Variants in DHX57 observed in about 807,000 individuals in gnomAD.
The protein encoded by DHX57 is DExH-box helicase 57.
In DHX57, 105 loss-of-function variants were observed where a neutral mutation model predicts 156.2. The observed-to-expected ratio is 0.67, with a 90% CI of 0.57 to 0.79. DHX57 has a LOEUF of 0.79. DHX57 is among the 30% of genes least tolerant of loss of function. The pLI, the probability that DHX57 is intolerant of heterozygous loss-of-function variation, is 0.00. For missense variants in DHX57, 1,847 were observed against 1,661.9 expected, an observed-to-expected ratio of 1.11 and a Z score of -1.94; for synonymous variants, 704 against 595.6, an observed-to-expected ratio of 1.18 and a Z score of -2.65.
intron 21 of DHX57, among the ~76,000 whole-genome samples, chr2:38,810,019 A>G (rs540222159): frequency 1.1e-3 from 161 of 151,784 alleles, no homozygotes; most frequent in African/African-American, 3.7e-3. Context: ...TCAGCCTCCC[A>G]AGTAGCTGGG....
intron 20 of DHX57, among the ~76,000 whole-genome samples, chr2:38,814,096 C>A (rs1180838401): frequency 6.6e-6 from 1 of 152,108 alleles, no homozygotes; most frequent in African/African-American, 2.4e-5. Flanking sequence ...CACCGCTATG[C>A]CCGGTTAATT....
chr2:38,865,875 C>G (rs1396668015), intron 2 of DHX57, among the ~76,000 whole-genome samples: 3 of 152,192 alleles, frequency 2.0e-5, no homozygotes, highest in Non-Finnish European at 4.4e-5. Context: ...CATCTCCTAA[C>G]TGGTCTCCTT....
intron 21 of DHX57, among the ~76,000 whole-genome samples, chr2:38,813,361 G>T (rs879611531): frequency 6.6e-6 from 1 of 151,886 alleles, no homozygotes; most frequent in Non-Finnish European, 1.5e-5. Context: ...CTGAAGGATT[G>T]AAAATGTATA....
At chr2:38,814,201 G>C (rs1242442466) in intron 20 of DHX57, among the ~76,000 whole-genome samples, 1 of 152,200 alleles carries the variant, frequency 6.6e-6, no homozygotes, top group Admixed American at 6.5e-5. Context: ...GCCTCTCAAA[G>C]TACTGAGATT....
intron 15 of DHX57, 75 bp downstream of exon 15, chr2:38,826,441 T>G (rs1671089243): frequency 6.7e-7 from 1 of 1,503,128 alleles, no homozygotes; most frequent in Non-Finnish European, 9.1e-7. Context: ...CTTAATAGCA[T>G]TAGCCACTAA....
intron 8 of DHX57, 63 bp downstream of exon 8, chr2:38,854,993 CA>C: frequency 6.3e-7 from 1 of 1,599,848 alleles, no homozygotes; most frequent in Non-Finnish European, 8.6e-7. Context: ...TCCTAACCCC[CA>C]AAACTTTTTA....
In DHX57 at chr2:38,863,365, A is replaced by G. The variant is rs1375059215; in HGVS notation, c.379T>C (p.Ser127Pro). 1 of 1,609,340 alleles carries G rather than the reference A, an allele frequency of 6.2e-7. No individual in the cohort carries two copies. Among genetic ancestry groups the G allele is most frequent in the Non-Finnish European group, 8.5e-7 (1 of 1,178,916 alleles). Reference sequence around the variant, plus strand: ...GACTCAAATAAAACAATTTACTCAGATCCAGCATCAGCATCTTGTTCTTGC... The same window carrying G: ...GACTCAAATAAAACAATTTACTCAGGTCCAGCATCAGCATCTTGTTCTTGC... ...DLQEQDADAGSERGLSGEEED... is the reference protein window; with the variant it reads ...DLQEQDADAGPERGLSGEEED... The change falls in exon 3 of 24, where the codon TCT becomes CCT. Residue 127 changes from serine to proline, a missense_variant. Transcript: ENST00000457308.
rs548560357 is a variant in DHX57 at position 38,802,591 on chromosome 2, G to A, written c.4017+124C>T. 2.7e-5 allele frequency: 33 copies of A among 1,234,772 alleles called. 1 individual carries two copies. Among genetic ancestry groups the A allele is most frequent in the Admixed American group, 1.2e-4 (5 of 43,182 alleles). 76.5% of individuals were successfully genotyped at this position (1,234,772 alleles called of 1,614,324 possible). On this transcript the variant is annotated intron_variant, in intron 23 of 23. Coordinates refer to ENST00000457308, the MANE Select transcript of DHX57 (RefSeq NM_198963.3). ...GTGTGAGCCACTGGGCTCGGCCACC[G>A]TCATTCATTTTTAATTAGCTCTGTT... is the stretch of plus-strand genomic sequence containing the variant.
chr2:38,819,211 G>T, intron 17 of DHX57, 67 bp from the exon 18 acceptor site: 3 of 1,497,722 alleles, frequency 2.0e-6, no homozygotes, highest in Non-Finnish European at 2.8e-6. Context: ...GTCTTGTTCT[G>T]TTGCCCAGGC....
At position 38,868,430 on chromosome 2, in the gene DHX57, A is replaced by C; in HGVS notation, c.-6-19T>G. 1 of 1,607,412 alleles carries C rather than the reference A, an allele frequency of 6.2e-7. No individual in the cohort carries two copies. Among genetic ancestry groups the C allele is most frequent in the Non-Finnish European group, 8.5e-7 (1 of 1,177,876 alleles). ...TTTTCACCTGCAAGAGAAAAAAATT[A>C]ATGTAGACATCATAAAACCAGACAT... On this transcript the variant is annotated intron_variant, in intron 1 of 23. Coordinates refer to ENST00000457308, the MANE Select transcript of DHX57 (RefSeq NM_198963.3).
intron 14 of DHX57, 51 bp downstream of exon 14, chr2:38,828,289 T>C (rs1671207672): frequency 7.0e-7 from 1 of 1,437,912 alleles, no homozygotes. Context: ...GATGATATCT[T>C]TAGAGGTAAC....
intron 19 of DHX57, among the ~76,000 whole-genome samples, chr2:38,816,612 G>T (rs1471887839): frequency 6.6e-6 from 1 of 152,156 alleles, no homozygotes; most frequent in Non-Finnish European, 1.5e-5. Flanking sequence ...TCTCACATAG[G>T]CTGCACATCA....
intron 14 of DHX57, among the ~76,000 whole-genome samples, chr2:38,827,890 C>T (rs1671183684): frequency 1.3e-5 from 2 of 152,174 alleles, no homozygotes; most frequent in Admixed American, 1.3e-4. Context: ...GAGTTTCACT[C>T]TTGTTGCCCG....
chr2:38,855,400 T>C, intron 7 of DHX57, 148 bp from the exon 8 acceptor site: 1 of 819,726 alleles, frequency 1.2e-6, no homozygotes, highest in Non-Finnish European at 2.0e-6. Context: ...CCTCCTGACT[T>C]ATTACCAAGA....
chr2:38,802,923 A>G lies in DHX57; in HGVS notation c.3817-8T>C. The G allele has an allele frequency of 1.9e-6, 3 of 1,613,998 alleles. No individual in the cohort carries two copies. Among genetic ancestry groups the G allele is most frequent in the Non-Finnish European group, 2.5e-6 (3 of 1,179,952 alleles). ...GCTGTCAAAGTGTCTCACCTGTAAC[A>G]AAAAACCTCAGATGATGACAGTGAT... is the stretch of plus-strand genomic sequence containing the variant. On this transcript the variant is annotated splice_region_variant and splice_polypyrimidine_tract_variant and intron_variant, in intron 22 of 23. Coordinates refer to ENST00000457308, the MANE Select transcript of DHX57 (RefSeq NM_198963.3).
At chr2:38,808,700 A>G (rs1670081130) in intron 21 of DHX57, among the ~76,000 whole-genome samples, 1 of 152,198 alleles carries the variant, frequency 6.6e-6, no homozygotes, top group Admixed American at 6.6e-5. Context: ...TCCCACCCAG[A>G]GTAAGAGTAC....
rs141431997 is a variant in DHX57, at chr2:38,871,839, C to T, written c.-6-3428G>A. 2.8e-3 allele frequency among the ~76,000 whole-genome samples: 420 copies of T among 151,860 alleles called. 2 individuals are homozygous for T. Among genetic ancestry groups the T allele is most frequent in the African/African-American group, 9.7e-3 (400 of 41,404 alleles). On this transcript the variant is annotated intron_variant, in intron 1 of 23. Transcript: ENST00000457308. ...CTTCCACCTCAGCCTCTGGAGTAGC[C>T]GGGACTACAGGTGACCGCCGCCGGC...
chr2:38,857,919 G>T (rs1050127576), intron 6 of DHX57, among the ~76,000 whole-genome samples: 1 of 151,890 alleles, frequency 6.6e-6, no homozygotes, highest in African/African-American at 2.4e-5. Context: ...GTTTTGTTTT[G>T]TTTTTAGAGA....
chr2:38,866,701 T>C (rs1665090097), intron 2 of DHX57, among the ~76,000 whole-genome samples: 1 of 152,196 alleles, frequency 6.6e-6, no homozygotes, highest in East Asian at 1.9e-4. Flanking sequence ...TGAATGAACA[T>C]CTACGGACTC....
Sources: gnomAD v4.1 joint callset for allele counts (sites outside exome capture counted in the v4.1 genomes callset) on GRCh38, gnomAD v4.1.1 for gene constraint, MANE v1.5 for transcripts, NCBI Gene and HGNC (gene_info 2026-07-23, HGNC 2026-07-21) for gene names.